TOM1L1: variants seen among roughly 807,000 people sequenced by gnomAD.
TOM1L1 encodes the protein target of myb1 like 1 membrane trafficking protein.
A neutral mutation model predicts 63.4 loss-of-function variants in TOM1L1; 64 were observed. The observed-to-expected ratio is 1.01, with a 90% CI of 0.83 to 1.24. TOM1L1 has a LOEUF of 1.24. Among genes scored for constraint, TOM1L1 ranks in the 50% most tolerant of loss-of-function variants. The pLI, the probability that TOM1L1 is intolerant of heterozygous loss-of-function variation, is 0.00. For synonymous variants in TOM1L1, 166 were observed against 194.4 expected (o/e 0.85, Z 1.22); for missense variants, 536 against 567.0 (o/e 0.95, Z 0.55).
chr17:54,930,341 A>C lies in TOM1L1; in HGVS notation c.854+135A>C, dbSNP rs947729405. On this transcript the variant is annotated intron_variant, in intron 8 of 15. Coordinates refer to ENST00000575882, the MANE Select transcript of TOM1L1 (RefSeq NM_005486.3). Reference sequence around the variant, plus strand: ...CATTCTCAATAGGAAAGGTATTGGCATGTGGGGTGGGACAGTTTTCCCTTG... The same window carrying C: ...CATTCTCAATAGGAAAGGTATTGGCCTGTGGGGTGGGACAGTTTTCCCTTG... The C allele has an allele frequency of 4.7e-6, 6 of 1,266,608 alleles. No homozygotes were observed. In the African/African-American group the frequency reaches 8.9e-5, roughly 19 times the overall value. The allele number at this position is 1,266,608 out of a possible 1,614,324, so 78.5% of individuals were successfully genotyped here. A position where few individuals can be genotyped will look rare whatever the true frequency, so the allele number is the denominator to read the frequency against.
chr17:54,936,609 T>C, intron 8 of TOM1L1, 40 bp from the exon 9 acceptor site: 1 of 1,529,124 alleles, frequency 6.5e-7, no homozygotes, highest in Non-Finnish European at 8.9e-7. Context: ...CATTTTCATA[T>C]ATTTTTTTAA....
At chr17:54,920,293 A>G (rs1440977174) in intron 7 of TOM1L1, among the ~76,000 whole-genome samples, 1 of 152,166 alleles carries the variant, frequency 6.6e-6, no homozygotes, top group East Asian at 1.9e-4. Context: ...GTAAAGAAGG[A>G]ATAAAAGTAT....
intron 12 of TOM1L1, among the ~76,000 whole-genome samples, chr17:54,948,069 C>T (rs1379520096): frequency 6.6e-6 from 1 of 152,116 alleles, no homozygotes; most frequent in Non-Finnish European, 1.5e-5. Context: ...GCTTGACATC[C>T]ACCTTTTTAC....
At chr17:54,902,295 G>T (rs1163498102) in intron 1 of TOM1L1, among the ~76,000 whole-genome samples, 1 of 151,906 alleles carries the variant, frequency 6.6e-6, no homozygotes, top group Non-Finnish European at 1.5e-5. Flanking sequence ...TTGTTGTTTT[G>T]TTTTTGTTTT....
intron 10 of TOM1L1, among the ~76,000 whole-genome samples, chr17:54,938,219 C>T (rs1598042104): frequency 6.6e-6 from 1 of 152,108 alleles, no homozygotes; most frequent in Non-Finnish European, 1.5e-5. Context: ...GGAGGCCAGG[C>T]ATAGTGGCTC....
At chr17:54,944,806 T>C (rs910765535) in intron 11 of TOM1L1, among the ~76,000 whole-genome samples, 1 of 152,202 alleles carries the variant, frequency 6.6e-6, no homozygotes, top group African/African-American at 2.4e-5. Flanking sequence ...TGTATTGTGG[T>C]TCTGTCTGCT....
chr17:54,951,454 T>C (rs1039422909), intron 14 of TOM1L1, among the ~76,000 whole-genome samples: 5 of 152,208 alleles, frequency 3.3e-5, no homozygotes. Flanking sequence ...GAGGCTCTTA[T>C]GACCCACAGT....
At chr17:54,918,877 C>T (rs1223006398) in intron 7 of TOM1L1, among the ~76,000 whole-genome samples, 1 of 152,142 alleles carries the variant, frequency 6.6e-6, no homozygotes, top group Non-Finnish European at 1.5e-5. Flanking sequence ...CAAAGAATCC[C>T]AATTTGCCAA....
intron 7 of TOM1L1, among the ~76,000 whole-genome samples, chr17:54,921,324 C>T (rs1295265076): frequency 6.6e-6 from 1 of 152,128 alleles, no homozygotes; most frequent in Non-Finnish European, 1.5e-5. Context: ...ATATTGAGTA[C>T]AGTGCTGTGC....
chr17:54,959,928 T>A (rs552772175), intron 14 of TOM1L1, among the ~76,000 whole-genome samples: 5 of 152,246 alleles, frequency 3.3e-5, no homozygotes, highest in African/African-American at 9.6e-5. Flanking sequence ...AATATTTTTT[T>A]AAAAAGTTTG....
At chr17:54,901,615 A>AGGT (rs2048328785) in intron 1 of TOM1L1, among the ~76,000 whole-genome samples, 4 of 152,130 alleles carry the variant, frequency 2.6e-5, no homozygotes, top group African/African-American at 9.7e-5. Flanking sequence ...TACCAGCACC[A>AGGT]GCTCACTGCT....
intron 8 of TOM1L1, among the ~76,000 whole-genome samples, chr17:54,935,861 G>C (rs1268400818): frequency 6.6e-6 from 1 of 152,190 alleles, no homozygotes; most frequent in East Asian, 1.9e-4. Context: ...GGTGGCTCAT[G>C]CCTGTAATCC....
At chr17:54,936,618 A>C in intron 8 of TOM1L1, 31 bp from the exon 9 acceptor site, 1 of 1,561,466 alleles carries the variant, frequency 6.4e-7, no homozygotes, top group Non-Finnish European at 8.7e-7. Flanking sequence ...ATATTTTTTT[A>C]AAAACACATG....
At chr17:54,958,981 T>C (rs2077035407) in intron 14 of TOM1L1, among the ~76,000 whole-genome samples, 1 of 152,032 alleles carries the variant, frequency 6.6e-6, no homozygotes, top group African/African-American at 2.4e-5. Flanking sequence ...TAATGGACAA[T>C]ACAAATGAAG....
At chr17:54,942,826 A>C (rs1463560795) in intron 11 of TOM1L1, among the ~76,000 whole-genome samples, 1 of 152,156 alleles carries the variant, frequency 6.6e-6, no homozygotes, top group Non-Finnish European at 1.5e-5. Context: ...CTATTCCTTT[A>C]TAGTCACACC....
At chr17:54,952,446 G>C (rs1421271446) in intron 14 of TOM1L1, 3 of 151,098 alleles carry the variant, frequency 2.0e-5, no homozygotes, top group African/African-American at 7.3e-5. Context: ...ACTCAGGAAG[G>C]TGAGGCAGAA....
chr17:54,936,405 A>G (rs1243738323), intron 8 of TOM1L1: 3 of 368,992 alleles, frequency 8.1e-6, no homozygotes, highest in Non-Finnish European at 1.5e-5. Flanking sequence ...TAATGTTAAT[A>G]GATTTAACAA....
intron 11 of TOM1L1, among the ~76,000 whole-genome samples, chr17:54,946,006 A>G (rs1305401760): frequency 6.6e-6 from 1 of 152,172 alleles, no homozygotes; most frequent in Non-Finnish European, 1.5e-5. Flanking sequence ...CACATCAAGA[A>G]TGTTATTTTG....
chr17:54,929,519 T>A (rs1348716145), intron 7 of TOM1L1, among the ~76,000 whole-genome samples: 1 of 152,202 alleles, frequency 6.6e-6, no homozygotes, highest in Non-Finnish European at 1.5e-5. Flanking sequence ...TTTAAATGTT[T>A]AAGTACAACG....
Sources: allele counts gnomAD v4.1 joint callset (sites outside exome capture counted in the v4.1 genomes callset), GRCh38; gene constraint gnomAD v4.1.1; transcripts MANE v1.5; gene names NCBI Gene and HGNC (gene_info 2026-07-23, HGNC 2026-07-21).